The following ALDH8A1 variants were observed in gnomAD, a reference collection of about 807,000 sequenced individuals.
ALDH8A1 encodes the protein aldehyde dehydrogenase 8 family member A1.
ALDH8A1 carries 39 observed loss-of-function variants against 43.3 expected under a neutral mutation model. The observed-to-expected ratio is 0.90, with a 90% CI of 0.70 to 1.18. ALDH8A1 has a LOEUF of 1.18. ALDH8A1 is among the 50% of genes most tolerant of loss of function. The pLI, the probability that ALDH8A1 is intolerant of heterozygous loss-of-function variation, is 0.00. For synonymous variants in ALDH8A1, 233 were observed against 243.5 expected, an observed-to-expected ratio of 0.96 and a Z score of 0.40; for missense variants, 605 against 622.6, an observed-to-expected ratio of 0.97 and a Z score of 0.30.
chr6:134,943,372 CGG>C (rs368028902), intron 2 of ALDH8A1, among the ~76,000 whole-genome samples: 6 of 151,756 alleles, frequency 4.0e-5, no homozygotes, highest in African/African-American at 1.5e-4. Flanking sequence ...TGAGATGTGT[CGG>C]GAGTGGAATG....
At chr6:134,944,021 A>T in intron 1 of ALDH8A1, 55 bp from the exon 2 acceptor site, 1 of 1,557,584 alleles carries the variant, frequency 6.4e-7, no homozygotes, top group Non-Finnish European at 8.7e-7. Flanking sequence ...TCCTTGGGGG[A>T]TGGACAAAAC....
intron 5 of ALDH8A1, among the ~76,000 whole-genome samples, chr6:134,929,794 G>A (rs74557710): frequency 6.6e-6 from 1 of 152,200 alleles, no homozygotes; most frequent in East Asian, 1.9e-4. Context: ...AAGAGATTAC[G>A]TTTTATTCTC....
rs7743950 is a variant in ALDH8A1 at position 134,946,206 on chromosome 6, G to A, written c.139-2240C>T. On this transcript the variant is annotated intron_variant, in intron 1 of 6. Transcript: ENST00000265605. The stretch of plus-strand genomic sequence containing the variant: ...TATAAAATGATTCTCATCTTAATTA[G>A]AAATTTCTAGAAATATGGTGGCTTC... 9.7e-3 allele frequency among the ~76,000 whole-genome samples: 1,475 copies of A among 152,222 alleles called. 31 individuals carry two copies. Among genetic ancestry groups the A allele is most frequent in the African/African-American group, 0.033 (1,389 of 41,528 alleles).
At chr6:134,936,079 G>A (rs1773733061) in intron 4 of ALDH8A1, among the ~76,000 whole-genome samples, 1 of 152,058 alleles carries the variant, frequency 6.6e-6, no homozygotes, top group Non-Finnish European at 1.5e-5. Context: ...AGCCTCCTAA[G>A]TAGCTGGGAT....
chr6:134,947,275 A>G (rs895703859), intron 1 of ALDH8A1, among the ~76,000 whole-genome samples: 5 of 152,236 alleles, frequency 3.3e-5, no homozygotes, highest in Admixed American at 2.0e-4. Flanking sequence ...TGAAACTACT[A>G]TAAGAAAACA....
intron 6 of ALDH8A1, 85 bp from the exon 7 acceptor site, chr6:134,918,952 C>T: frequency 7.0e-7 from 1 of 1,431,430 alleles, no homozygotes; most frequent in Non-Finnish European, 9.6e-7. Flanking sequence ...TTCTAATCAT[C>T]TCGGAAGGAG....
chr6:134,933,231 C>A (rs1220979055), intron 4 of ALDH8A1, among the ~76,000 whole-genome samples, 199 bp from the exon 5 acceptor site: 3 of 152,212 alleles, frequency 2.0e-5, no homozygotes, highest in Non-Finnish European at 2.9e-5. Context: ...TTCACCTCTG[C>A]CCACAGTAAA....
chr6:134,939,474 C>T (rs945668405), intron 3 of ALDH8A1, 59 bp from the exon 4 acceptor site: 21 of 1,558,626 alleles, frequency 1.3e-5, no homozygotes, highest in South Asian at 1.2e-4. Flanking sequence ...GGTGGACTGG[C>T]CAAGTGGGGT....
At chr6:134,924,817 T>A (rs1776858707) in intron 6 of ALDH8A1, among the ~76,000 whole-genome samples, 1 of 152,224 alleles carries the variant, frequency 6.6e-6, no homozygotes, top group Non-Finnish European at 1.5e-5. Flanking sequence ...ACACCTAAAC[T>A]CACTAAATTC....
At chr6:134,931,001 A>G (rs1776976523) in intron 5 of ALDH8A1, among the ~76,000 whole-genome samples, 1 of 152,240 alleles carries the variant, frequency 6.6e-6, no homozygotes, top group African/African-American at 2.4e-5. Flanking sequence ...TGCTTCAAAA[A>G]AGCCAATTAC....
chr6:134,936,678 G>A (rs1583031060), intron 4 of ALDH8A1, among the ~76,000 whole-genome samples: 2 of 152,228 alleles, frequency 1.3e-5, no homozygotes, highest in Non-Finnish European at 2.9e-5. Flanking sequence ...TGCGCTCACT[G>A]CGGCAGCGGA....
chr6:134,933,113 C>T (rs748254735), intron 4 of ALDH8A1, 81 bp from the exon 5 acceptor site: 54 of 1,426,372 alleles, frequency 3.8e-5, no homozygotes, highest in Non-Finnish European at 4.9e-5. Flanking sequence ...CCTTTAAAGT[C>T]CAATCGCTTG....
At chr6:134,943,996 C>G in intron 1 of ALDH8A1, 30 bp from the exon 2 acceptor site, 1 of 1,603,512 alleles carries the variant, frequency 6.2e-7, no homozygotes, top group Non-Finnish European at 8.5e-7. Flanking sequence ...GAAAGGGTCA[C>G]CTTAAAGCTG....
chr6:134,936,195 C>T (rs897405629), intron 4 of ALDH8A1, among the ~76,000 whole-genome samples: 1 of 152,248 alleles, frequency 6.6e-6, no homozygotes, highest in Non-Finnish European at 1.5e-5. Context: ...AGGTGATCCA[C>T]CCACCTTGGC....
At chr6:134,920,887 GAGCCAA>G (rs774239840) in intron 6 of ALDH8A1, among the ~76,000 whole-genome samples, 2 of 152,188 alleles carry the variant, frequency 1.3e-5, no homozygotes, top group African/African-American at 2.4e-5. Flanking sequence ...AGTAACCCGA[GAGCCAA>G]GCTGTATTCA....
chr6:134,920,766 C>T lies in ALDH8A1; in HGVS notation c.1012-1899G>A, dbSNP rs370359247. On this transcript the variant is annotated intron_variant, in intron 6 of 6. Coordinates refer to ENST00000265605, the MANE Select transcript of ALDH8A1 (RefSeq NM_022568.4). ...CTGGGGGGGAGAAAAAAAACCATGA[C>T]TAGTAATATGCTATAAATACAAGAA... 1.4e-3 allele frequency among the ~76,000 whole-genome samples: 209 copies of T among 152,162 alleles called. 4 individuals are homozygous for T. The South Asian group carries it at 0.042, about 31-fold the overall frequency.
chr6:134,945,531 T>A (rs981572686), intron 1 of ALDH8A1, among the ~76,000 whole-genome samples: 2 of 152,186 alleles, frequency 1.3e-5, no homozygotes, highest in African/African-American at 4.8e-5. Context: ...CTTCTGCCTT[T>A]CTCTTCTCTC....
Position 134,937,744 on chromosome 6 carries a change from G to C in ALDH8A1, c.592+1522C>G, listed in dbSNP as rs1018415007. Among the ~76,000 whole-genome samples, 4 of 152,314 alleles carry C rather than the reference G, an allele frequency of 2.6e-5. 1 individual carries two copies. In the South Asian group the frequency reaches 8.3e-4, roughly 32 times the overall value. On this transcript the variant is annotated intron_variant, in intron 4 of 6. Coordinates refer to ENST00000265605, the MANE Select transcript of ALDH8A1 (RefSeq NM_022568.4). ...TCACCAGGCAGGGAAGAAGTATGTC[G>C]CGCCTTTGCAGACACCACAGACCTC...
At chr6:134,919,005 C>T (rs1429994612) in intron 6 of ALDH8A1, 138 bp from the exon 7 acceptor site, 2 of 1,012,662 alleles carry the variant, frequency 2.0e-6, no homozygotes, top group African/African-American at 1.6e-5. Context: ...ATTATCTTAT[C>T]ACTCAGCTGC....
Sources: allele counts gnomAD v4.1 joint callset (sites outside exome capture counted in the v4.1 genomes callset), GRCh38; gene constraint gnomAD v4.1.1; transcripts MANE v1.5; gene names NCBI Gene and HGNC (gene_info 2026-07-23, HGNC 2026-07-21).